Variants in STRN3 observed in about 807,000 individuals in gnomAD.
STRN3 encodes striatin-3.
In STRN3, 29 loss-of-function variants were observed where a neutral mutation model predicts 95.6. That is an observed-to-expected ratio of 0.30 (90% CI 0.23 to 0.41). The LOEUF (loss-of-function observed/expected upper bound fraction) is 0.41, where lower values mean the gene tolerates loss of function less well. Ranked by LOEUF, STRN3 falls within the 10% of genes least tolerant of loss-of-function variation. STRN3 has a pLI of 1.00. For synonymous variants in STRN3, 331 were observed against 357.6 expected, an observed-to-expected ratio of 0.93 and a Z score of 0.84; for missense variants, 890 against 972.1, an observed-to-expected ratio of 0.92 and a Z score of 1.12.
At position 30,940,641 on chromosome 14, in the gene STRN3, T is replaced by C. The variant is rs549671644; in HGVS notation, c.717-4017A>G. ...TGGCCGCTGTATGGATCTTTTTTCA[T>C]TGATTTTATGGAGTAACTGGAAAGA... is the stretch of plus-strand genomic sequence containing the variant. On this transcript the variant is annotated intron_variant, in intron 5 of 17. Transcript: ENST00000357479. 2.7e-4 allele frequency among the ~76,000 whole-genome samples: 41 copies of C among 152,344 alleles called. No homozygotes were observed. The South Asian group carries it at 6.4e-3, about 24-fold the overall frequency.
rs1424748769 is a variant in STRN3, at chr14:30,926,021, T to C, written c.1099+3180A>G. 2.0e-5 allele frequency among the ~76,000 whole-genome samples: 3 copies of C among 151,762 alleles called. No individual in the cohort carries two copies. In the East Asian group the frequency reaches 5.8e-4, roughly 29 times the overall value. ...AAGATCATTAGAAGTTTGTGATCCA[T>C]AAACAGAAAAAAAAAGAAAGTTTTT... On this transcript the variant is annotated intron_variant, in intron 8 of 17. Transcript: ENST00000357479.
At position 31,026,132 on chromosome 14, in the gene STRN3, G is replaced by C; in HGVS notation, c.54C>G (p.Pro18=). 6.7e-7 allele frequency: 1 copy of C among 1,498,214 alleles called. No homozygotes were observed. The highest frequency in any genetic ancestry group is 1.3e-5 in the South Asian group (1 of 79,606). 92.8% of individuals were successfully genotyped at this position (1,498,214 alleles called of 1,614,324 possible). A position where few individuals can be genotyped will look rare whatever the true frequency, so the allele number is the denominator to read the frequency against. ...TCCCCCCAGGTCCCTGCTGCTGCCG[G>C]GGAGGGGCCGCCATCCCCGGGCCGC... ...GGGGPGMAAP[P]RQQQGPGGNL... Residue 18 remains proline (P), a synonymous_variant, in exon 1 of 18, where the codon CCC becomes CCG. Coordinates refer to ENST00000357479, the MANE Select transcript of STRN3 (RefSeq NM_001083893.2).
chr14:30,977,213 C>A (rs913628786), intron 1 of STRN3, among the ~76,000 whole-genome samples: 8 of 151,326 alleles, frequency 5.3e-5, no homozygotes, highest in African/African-American at 1.5e-4. Context: ...GCAACAAGAG[C>A]GAAACTCTGT....
chr14:31,002,673 C>CT (rs1433672698), intron 1 of STRN3, among the ~76,000 whole-genome samples: 1 of 148,784 alleles, frequency 6.7e-6, no homozygotes, highest in Non-Finnish European at 1.5e-5. Flanking sequence ...AATTCTGAAA[C>CT]ATAGTAGCTA....
At chr14:30,951,237 T>A (rs982174706) in intron 3 of STRN3, among the ~76,000 whole-genome samples, 1 of 151,970 alleles carries the variant, frequency 6.6e-6, no homozygotes, top group African/African-American at 2.4e-5. Flanking sequence ...TAAAACTGAT[T>A]TTTTCTCTTT....
chr14:30,967,314 G>A (rs1880574386), intron 1 of STRN3, among the ~76,000 whole-genome samples: 1 of 151,678 alleles, frequency 6.6e-6, no homozygotes, highest in Non-Finnish European at 1.5e-5. Flanking sequence ...GGTGGGGAAA[G>A]AGGCAGAGAG....
intron 1 of STRN3, among the ~76,000 whole-genome samples, chr14:30,994,154 G>C (rs1338392434): frequency 1.3e-5 from 2 of 152,008 alleles, no homozygotes; most frequent in African/African-American, 4.8e-5. Context: ...GGGATTACAG[G>C]TATGAGCCAC....
chr14:30,988,978 C>G (rs1394740012), intron 1 of STRN3, among the ~76,000 whole-genome samples: 1 of 152,198 alleles, frequency 6.6e-6, no homozygotes, highest in South Asian at 2.1e-4. Context: ...CGGACACTGT[C>G]TTGGCTAGTA....
chr14:31,013,513 A>C (rs1883067752), intron 1 of STRN3, among the ~76,000 whole-genome samples: 1 of 152,192 alleles, frequency 6.6e-6, no homozygotes, highest in Non-Finnish European at 1.5e-5. Flanking sequence ...AAAAAAAAGT[A>C]GTCGATTACT....
intron 1 of STRN3, among the ~76,000 whole-genome samples, chr14:31,019,220 A>G (rs1269511021): frequency 2.0e-5 from 3 of 152,158 alleles, no homozygotes; most frequent in Non-Finnish European, 4.4e-5. Context: ...AAGTGGGAGG[A>G]CTATTTGAAC....
At chr14:30,916,858 G>A (rs139519087) in intron 9 of STRN3, among the ~76,000 whole-genome samples, 1,735 of 152,252 alleles carry the variant, frequency 0.011, 118 homozygotes, top group Admixed American at 0.1. Context: ...TCTTCCTTTT[G>A]ATGGACACTT....
chr14:30,983,703 G>GT (rs1262759947), intron 1 of STRN3, among the ~76,000 whole-genome samples: 1 of 152,058 alleles, frequency 6.6e-6, no homozygotes, highest in African/African-American at 2.4e-5. Context: ...AGAGAGTTAA[G>GT]AAAGTAAAGA....
chr14:30,903,467 T>A (rs1023535177), intron 15 of STRN3, among the ~76,000 whole-genome samples: 1 of 152,190 alleles, frequency 6.6e-6, no homozygotes, highest in Non-Finnish European at 1.5e-5. Flanking sequence ...AATGGTGCAA[T>A]CATAGCTCAC....
chr14:30,895,688 G>C lies in STRN3; in HGVS notation c.2198C>G (p.Pro733Arg). Residue 733 changes from proline (P) to arginine (R), a missense_variant, in exon 17 of 18, where the codon CCT (proline) becomes CGT (arginine). Coordinates refer to ENST00000357479, the MANE Select transcript of STRN3 (RefSeq NM_001083893.2). ...TCCAGACATCAAATAGATTCCATTA[G>C]GATCTACTGCTAGACTTGTAACAGC... ...LDAVTSLAVD[P>R]NGIYLMSGSH... The C allele has an allele frequency of 1.9e-6, 3 of 1,613,906 alleles. No individual in the cohort carries two copies. Among genetic ancestry groups the C allele is most frequent in the Non-Finnish European group, 2.5e-6 (3 of 1,179,968 alleles).
At chr14:30,968,961 T>A (rs1332907101) in intron 1 of STRN3, among the ~76,000 whole-genome samples, 4 of 152,140 alleles carry the variant, frequency 2.6e-5, no homozygotes, top group African/African-American at 7.2e-5. Flanking sequence ...AAATATATAT[T>A]TTGTTTCAAA....
chr14:31,012,234 TTA>T (rs1883004125), intron 1 of STRN3, among the ~76,000 whole-genome samples: 1 of 152,264 alleles, frequency 6.6e-6, no homozygotes, highest in African/African-American at 2.4e-5. Flanking sequence ...CTTCATCCTA[TTA>T]TCTTTGTTTT....
At chr14:31,000,997 C>T (rs1882423340) in intron 1 of STRN3, among the ~76,000 whole-genome samples, 1 of 152,124 alleles carries the variant, frequency 6.6e-6, no homozygotes, top group African/African-American at 2.4e-5. Context: ...TCTATTGTCT[C>T]CGTTAAGTAG....
intron 9 of STRN3, among the ~76,000 whole-genome samples, chr14:30,915,957 GACC>G (rs887213437): frequency 3.3e-5 from 5 of 152,114 alleles, no homozygotes; most frequent in South Asian, 2.1e-4. Context: ...TTAATCATAT[GACC>G]ACATTTCTGT....
chr14:30,933,563 C>G (rs1012600696), intron 7 of STRN3, among the ~76,000 whole-genome samples: 1 of 152,006 alleles, frequency 6.6e-6, no homozygotes, highest in South Asian at 2.1e-4. Context: ...AATGTCTGCA[C>G]AGAGAAGCTA....
Sources: gnomAD v4.1 joint callset for allele counts (sites outside exome capture counted in the v4.1 genomes callset) on GRCh38, gnomAD v4.1.1 for gene constraint, MANE v1.5 for transcripts, NCBI Gene and HGNC (gene_info 2026-07-23, HGNC 2026-07-21) for gene names.